Variants in BAIAP2L1 observed in about 807,000 individuals in gnomAD.
The protein encoded by BAIAP2L1 is BAR/IMD domain containing adaptor protein 2 like 1, also known as BAR/IMD domain-containing adapter protein 2-like 1.
Under a neutral mutation model 66.3 loss-of-function variants are expected in BAIAP2L1, and 35 were observed. That is an observed-to-expected ratio of 0.53 (90% CI 0.40 to 0.70). The LOEUF is 0.70. BAIAP2L1 is among the 30% of genes least tolerant of loss of function. The probability of loss-of-function intolerance (pLI) is 0.00; values close to 1 mark genes in which losing one functional copy is unlikely to be tolerated. For missense variants in BAIAP2L1, 622 were observed against 656.9 expected, an observed-to-expected ratio of 0.95 and a Z score of 0.58; for synonymous variants, 269 against 248.7, an observed-to-expected ratio of 1.08 and a Z score of -0.77.
rs565202418 is a variant in BAIAP2L1 at position 98,384,202 on chromosome 7, G to A, written c.51+16600C>T. Among the ~76,000 whole-genome samples the A allele has an allele frequency of 1.0e-4, 15 of 150,552 alleles. No homozygotes were observed. The East Asian group carries it at 2.3e-3, about 23-fold the overall frequency. On this transcript the variant is annotated intron_variant, in intron 1 of 13. Transcript: ENST00000005260. ...GAGCTCCAGTCCTTGGAAATGTACC[G>A]TCTTACACGGAAACAGGTACAAAGA... is the stretch of plus-strand genomic sequence containing the variant.
intron 12 of BAIAP2L1, among the ~76,000 whole-genome samples, chr7:98,294,885 C>T (rs945674451): frequency 6.6e-6 from 1 of 152,184 alleles, no homozygotes; most frequent in African/African-American, 2.4e-5. Context: ...CACCTGCCAC[C>T]CAGGGCGAGC....
At chr7:98,356,718 T>C (rs974067282) in intron 2 of BAIAP2L1, among the ~76,000 whole-genome samples, 2 of 147,760 alleles carry the variant, frequency 1.4e-5, no homozygotes, top group African/African-American at 5.0e-5. Flanking sequence ...GGCTTACACC[T>C]GTACTCCTAG....
intron 3 of BAIAP2L1, among the ~76,000 whole-genome samples, chr7:98,341,523 A>C (rs528458580): frequency 1.3e-5 from 2 of 152,130 alleles, no homozygotes; most frequent in Non-Finnish European, 2.9e-5. Context: ...ATCTCTAAAA[A>C]AAATTTTTTA....
At chr7:98,386,643 AC>A in intron 1 of BAIAP2L1, 1 of 1,377,618 alleles carries the variant, frequency 7.3e-7, no homozygotes, top group Non-Finnish European at 9.8e-7. Flanking sequence ...CTTTCCGAGA[AC>A]TTTTTTTTGT....
chr7:98,308,547 G>C (rs1421610468), intron 9 of BAIAP2L1: 1 of 345,056 alleles, frequency 2.9e-6, no homozygotes, highest in South Asian at 2.2e-5. Context: ...GGCTGGGCCA[G>C]GAACCAGCTA....
At chr7:98,338,774 T>TG (rs1801669685) in intron 3 of BAIAP2L1, among the ~76,000 whole-genome samples, 1 of 152,134 alleles carries the variant, frequency 6.6e-6, no homozygotes, top group South Asian at 2.1e-4. Context: ...TGAACATTTG[T>TG]GGTCAAGACT....
chr7:98,381,292 C>T (rs1056385131), intron 1 of BAIAP2L1, among the ~76,000 whole-genome samples: 17 of 152,122 alleles, frequency 1.1e-4, no homozygotes, highest in African/African-American at 3.9e-4. Context: ...GAAAACTCTC[C>T]GTGAGAATTT....
intron 2 of BAIAP2L1, among the ~76,000 whole-genome samples, chr7:98,357,049 A>ATATT (rs1406909573): frequency 0.012 from 156 of 12,632 alleles, 8 homozygotes; most frequent in Non-Finnish European, 0.018. Context: ...ATATATATAT[A>ATATT]TTTTTTTTTT....
At chr7:98,297,367 G>A (rs1217953385) in intron 12 of BAIAP2L1, among the ~76,000 whole-genome samples, 3 of 152,136 alleles carry the variant, frequency 2.0e-5, no homozygotes, top group Non-Finnish European at 4.4e-5. Context: ...GAGGGGTCCC[G>A]GGCAGCTCGG....
Position 98,355,112 on chromosome 7 carries a change from TC to T in BAIAP2L1, c.143del (p.Gly48GlufsTer29). ...TGGCCACTCCATCGTAGTAGGCTTT[TC>T]CTGCCAGGATCATAGCTAGACACAA... is the stretch of plus-strand genomic sequence containing the variant. ...EKAVNAMILA[G>X]KAYYDGVAKI... On this transcript the variant is annotated frameshift_variant, in exon 3 of 14. Transcript: ENST00000005260. LOFTEE classifies it high-confidence loss of function. 6.2e-7 allele frequency: 1 copy of T among 1,613,176 alleles called. No homozygotes were observed. The highest frequency in any genetic ancestry group is 8.5e-7 in the Non-Finnish European group (1 of 1,179,178).
chr7:98,380,210 A>G (rs1002060516), intron 1 of BAIAP2L1, among the ~76,000 whole-genome samples: 3 of 151,742 alleles, frequency 2.0e-5, no homozygotes, highest in Non-Finnish European at 4.4e-5. Context: ...CCCATGTAGC[A>G]GGGACTTTAG....
rs1445844163 is a variant in BAIAP2L1 at position 98,292,547 on chromosome 7, G to A, written c.*974C>T. ...AAGATGATTTCCAGCCCCGGGCTCA[G>A]GGCAGCCAGTGCGTAGTCCTCACAT... is the stretch of plus-strand genomic sequence containing the variant. On this transcript the variant is annotated 3_prime_UTR_variant, in exon 14 of 14. Coordinates refer to ENST00000005260, the MANE Select transcript of BAIAP2L1 (RefSeq NM_018842.5). The A allele has an allele frequency of 1.8e-5, 22 of 1,248,226 alleles. No individual in the cohort carries two copies. The highest frequency in any genetic ancestry group is 1.1e-6 in the Non-Finnish European group (1 of 873,958). 77.3% of individuals were successfully genotyped at this position (1,248,226 alleles called of 1,614,324 possible). A position where few individuals can be genotyped will look rare whatever the true frequency, so the allele number is the denominator to read the frequency against.
chr7:98,397,461 A>T (rs1207572123), intron 1 of BAIAP2L1, among the ~76,000 whole-genome samples: 3 of 150,992 alleles, frequency 2.0e-5, no homozygotes, highest in Non-Finnish European at 4.4e-5. Context: ...AGTAGCTGGG[A>T]CTACAGGCAC....
In BAIAP2L1 at chr7:98,393,165, A is replaced by G. The variant is rs201827476; in HGVS notation, c.51+7637T>C. Reference sequence around the variant, plus strand: ...TGTGTACATATATATGTACACATATATGTATATATATACATATATGTGTGT... The same window carrying G: ...TGTGTACATATATATGTACACATATGTGTATATATATACATATATGTGTGT... On this transcript the variant is annotated intron_variant, in intron 1 of 13. Coordinates refer to ENST00000005260, the MANE Select transcript of BAIAP2L1 (RefSeq NM_018842.5). 4.6e-4 allele frequency among the ~76,000 whole-genome samples: 29 copies of G among 63,058 alleles called. 3 individuals carry two copies. The highest frequency in any genetic ancestry group is 1.7e-3 in the South Asian group (3 of 1,748). 41.4% of individuals were successfully genotyped at this position (63,058 alleles called of 152,430 possible). A position where few individuals can be genotyped will look rare whatever the true frequency, so the allele number is the denominator to read the frequency against.
chr7:98,332,696 C>A (rs1398485264), intron 3 of BAIAP2L1, among the ~76,000 whole-genome samples: 2 of 150,376 alleles, frequency 1.3e-5, no homozygotes, highest in Admixed American at 6.7e-5. Context: ...GTAATCCTAG[C>A]TACTCAGGAG....
At chr7:98,334,150 A>G (rs1346290246) in intron 3 of BAIAP2L1, among the ~76,000 whole-genome samples, 1 of 152,224 alleles carries the variant, frequency 6.6e-6, no homozygotes, top group African/African-American at 2.4e-5. Context: ...CCTAAGATTA[A>G]AATGTTTAAT....
chr7:98,302,089 TAAGA>T, intron 12 of BAIAP2L1, among the ~76,000 whole-genome samples: 1 of 152,294 alleles, frequency 6.6e-6, no homozygotes, highest in East Asian at 1.9e-4. Context: ...CGAAGAGGTT[TAAGA>T]ATGAAGCCAG....
Position 98,354,738 on chromosome 7 carries a change from G to A in BAIAP2L1, c.214+304C>T, listed in dbSNP as rs767789055. 6.6e-5 allele frequency among the ~76,000 whole-genome samples: 10 copies of A among 152,254 alleles called. 1 individual carries two copies. The highest frequency in any genetic ancestry group is 1.3e-4 in the Admixed American group (2 of 15,290). ...CCCGAGGCCCCAGGAGGCCCGGCTCGCCCATCAGGAATGTAGGTCAAACTC... is the reference window on the plus strand; with the variant it reads ...CCCGAGGCCCCAGGAGGCCCGGCTCACCCATCAGGAATGTAGGTCAAACTC... On this transcript the variant is annotated intron_variant, in intron 3 of 13. Transcript: ENST00000005260.
At chr7:98,328,280 A>C (rs1801416273) in intron 3 of BAIAP2L1, among the ~76,000 whole-genome samples, 2 of 152,218 alleles carry the variant, frequency 1.3e-5, no homozygotes, top group African/African-American at 2.4e-5. Context: ...TTCAGAAGGC[A>C]GAAGGTTCTG....
Sources: allele counts gnomAD v4.1 joint callset (sites outside exome capture counted in the v4.1 genomes callset), GRCh38; gene constraint gnomAD v4.1.1; transcripts MANE v1.5; gene names NCBI Gene and HGNC (gene_info 2026-07-23, HGNC 2026-07-21).